ZBTB16: variants seen among roughly 807,000 people sequenced by gnomAD.
ZBTB16 encodes zinc finger and BTB domain containing 16.
ZBTB16 carries 8 observed loss-of-function variants against 56.8 expected under a neutral mutation model. The observed-to-expected ratio is 0.14, with a 90% CI of 0.08 to 0.25. The LOEUF (loss-of-function observed/expected upper bound fraction) is 0.25, where lower values mean the gene tolerates loss of function less well. Ranked by LOEUF, ZBTB16 falls within the 10% of genes least tolerant of loss-of-function variation. The probability of loss-of-function intolerance (pLI) is 1.00; values close to 1 mark genes in which losing one functional copy is unlikely to be tolerated. For missense variants in ZBTB16, 625 were observed against 903.0 expected, an observed-to-expected ratio of 0.69 and a Z score of 3.95; for synonymous variants, 363 against 368.5, an observed-to-expected ratio of 0.98 and a Z score of 0.17.
intron 3 of ZBTB16, among the ~76,000 whole-genome samples, chr11:114,175,927 T>G (rs1943099605): frequency 1.3e-5 from 2 of 152,142 alleles, no homozygotes; most frequent in Admixed American, 1.3e-4. Context: ...GGTCTTAGTC[T>G]TCTTTTTTCC....
chr11:114,141,884 G>A (rs750369292), intron 2 of ZBTB16, among the ~76,000 whole-genome samples: 3 of 152,242 alleles, frequency 2.0e-5, no homozygotes, highest in Non-Finnish European at 4.4e-5. Context: ...GCAGAATAGT[G>A]CCTGGCACAT....
chr11:114,121,716 ACTGT>A (rs1941352718), intron 2 of ZBTB16: 1 of 428,906 alleles, frequency 2.3e-6, no homozygotes, highest in Admixed American at 2.5e-5. Flanking sequence ...TGAAATCATG[ACTGT>A]CTGATCCCAG....
At chr11:114,212,297 G>A (rs1053214760) in intron 4 of ZBTB16, among the ~76,000 whole-genome samples, 2 of 152,138 alleles carry the variant, frequency 1.3e-5, no homozygotes, top group African/African-American at 4.8e-5. Flanking sequence ...GTCCCAAGAA[G>A]CTGGGAGTGA....
At chr11:114,248,990 A>G (rs565200049) in intron 6 of ZBTB16, among the ~76,000 whole-genome samples, 2 of 152,258 alleles carry the variant, frequency 1.3e-5, no homozygotes, top group South Asian at 4.1e-4. Flanking sequence ...CTGTATTGAA[A>G]CAAGGTTCCC....
At chr11:114,158,724 C>T (rs1942493020) in intron 3 of ZBTB16, among the ~76,000 whole-genome samples, 1 of 152,180 alleles carries the variant, frequency 6.6e-6, no homozygotes, top group African/African-American at 2.4e-5. Flanking sequence ...ATATTTAACG[C>T]TATCTCGGAG....
intron 2 of ZBTB16, among the ~76,000 whole-genome samples, chr11:114,117,273 A>G (rs1040078732): frequency 2.0e-5 from 3 of 152,128 alleles, no homozygotes; most frequent in Admixed American, 1.3e-4. Flanking sequence ...TTGCTTGTGC[A>G]GCAGAGAGAG....
chr11:114,159,937 C>CGG (rs140105293), intron 3 of ZBTB16, among the ~76,000 whole-genome samples: 3,903 of 93,552 alleles, frequency 0.042, 213 homozygotes, highest in Admixed American at 0.12. Context: ...GCGGGGGAGG[C>CGG]GGGGGGGAGG....
At chr11:114,180,885 A>C (rs1456508984) in intron 3 of ZBTB16, 2 of 152,270 alleles carry the variant, frequency 1.3e-5, no homozygotes, top group Admixed American at 1.3e-4. Flanking sequence ...GAGAGCTCCA[A>C]ATACAGGACA....
At chr11:114,110,845 G>C (rs1940978197) in intron 2 of ZBTB16, among the ~76,000 whole-genome samples, 1 of 152,174 alleles carries the variant, frequency 6.6e-6, no homozygotes, top group Non-Finnish European at 1.5e-5. Context: ...TTGGGTTAAA[G>C]TTTTCTTTGT....
At position 114,073,217 on chromosome 11, in the gene ZBTB16, G is replaced by T. The variant is rs557787098; in HGVS notation, c.1268+8649G>T. Among the ~76,000 whole-genome samples the T allele has an allele frequency of 1.2e-4, 19 of 152,246 alleles. No homozygotes were observed. In the South Asian group the frequency reaches 3.5e-3, roughly 28 times the overall value. Reference sequence around the variant, plus strand: ...GCGAGGAGGAAGGTTACTGCAGAGGGTTCAGCTCTTTAGGGGCCCAGGCCG... The same window carrying T: ...GCGAGGAGGAAGGTTACTGCAGAGGTTTCAGCTCTTTAGGGGCCCAGGCCG... On this transcript the variant is annotated intron_variant, in intron 2 of 6. Transcript: ENST00000335953.
chr11:114,137,963 G>C (rs557429147), intron 2 of ZBTB16, among the ~76,000 whole-genome samples: 1 of 152,226 alleles, frequency 6.6e-6, no homozygotes, highest in South Asian at 2.1e-4. Context: ...GGCAGGTGTT[G>C]CTGTGCTGGC....
At chr11:114,245,009 A>G in intron 5 of ZBTB16, among the ~76,000 whole-genome samples, 1 of 152,228 alleles carries the variant, frequency 6.6e-6, no homozygotes, top group South Asian at 2.1e-4. Context: ...ATCGTTGCCG[A>G]TTCAGTAAGG....
At position 114,167,235 on chromosome 11, in the gene ZBTB16, T is replaced by TTG. The variant is rs1479344899; in HGVS notation, c.1366+10802_1366+10803insGT. ...TTTGTGGTTTTTTTTTTTTTTGGTT[T>TTG]TTTTTTTTTTTTTTTTTTGACAAGC... On this transcript the variant is annotated intron_variant, in intron 3 of 6. Transcript: ENST00000335953. Among the ~76,000 whole-genome samples the TTG allele has an allele frequency of 4.6e-4, 46 of 99,664 alleles. 6 individuals are homozygous for TTG. Among genetic ancestry groups the TTG allele is most frequent in the South Asian group, 1.6e-3 (5 of 3,154 alleles). The allele number at this position is 99,664 out of a possible 152,430, so 65.4% of individuals were successfully genotyped here.
intron 4 of ZBTB16, among the ~76,000 whole-genome samples, chr11:114,220,661 T>C (rs986700078): frequency 3.3e-5 from 5 of 152,182 alleles, no homozygotes; most frequent in Non-Finnish European, 7.3e-5. Context: ...TTGATAGACA[T>C]AGATGGAAGA....
At chr11:114,151,805 C>T (rs889092348) in intron 2 of ZBTB16, among the ~76,000 whole-genome samples, 2 of 152,178 alleles carry the variant, frequency 1.3e-5, no homozygotes, top group Admixed American at 6.5e-5. Context: ...GGAAGTGGGC[C>T]GAGCTTACCC....
chr11:114,168,896 C>G (rs887949945), intron 3 of ZBTB16, among the ~76,000 whole-genome samples: 1 of 152,320 alleles, frequency 6.6e-6, no homozygotes, highest in East Asian at 1.9e-4. Context: ...TCTTCCTGCT[C>G]TGCCAGAGGA....
chr11:114,118,490 G>A (rs1357672649), intron 2 of ZBTB16, among the ~76,000 whole-genome samples: 1 of 151,938 alleles, frequency 6.6e-6, no homozygotes, highest in African/African-American at 2.4e-5. Context: ...CTAGAGTTTT[G>A]GGAAGGATTT....
chr11:114,222,950 C>A (rs1388207511), intron 4 of ZBTB16, among the ~76,000 whole-genome samples: 2 of 152,052 alleles, frequency 1.3e-5, no homozygotes, highest in Non-Finnish European at 1.5e-5. Flanking sequence ...CACAGCAGGC[C>A]CTGCAGGGAT....
intron 2 of ZBTB16, among the ~76,000 whole-genome samples, chr11:114,096,682 C>T (rs887371220): frequency 6.6e-6 from 1 of 152,212 alleles, no homozygotes; most frequent in Non-Finnish European, 1.5e-5. Context: ...TGAACTAAAA[C>T]TGCTCACCCC....
Sources: gnomAD v4.1 joint callset for allele counts (sites outside exome capture counted in the v4.1 genomes callset) on GRCh38, gnomAD v4.1.1 for gene constraint, MANE v1.5 for transcripts, NCBI Gene and HGNC (gene_info 2026-07-23, HGNC 2026-07-21) for gene names.